The following ATXN2 variants were observed in gnomAD, a reference collection of about 807,000 sequenced individuals.
The protein encoded by ATXN2 is ataxin-2.
Under a neutral mutation model 138.6 loss-of-function variants are expected in ATXN2, and 37 were observed. The observed-to-expected ratio is 0.27, with a 90% CI of 0.21 to 0.35. The LOEUF is 0.35. Ranked by LOEUF, ATXN2 falls within the 10% of genes least tolerant of loss-of-function variation. The pLI is 1.00. For missense variants in ATXN2, 1,216 were observed against 1,480.3 expected (o/e 0.82, Z 2.93); for synonymous variants, 549 against 543.7 (o/e 1.01, Z -0.13).
chr12:111,542,660 T>G (rs1881584121), intron 5 of ATXN2, among the ~76,000 whole-genome samples: 1 of 151,942 alleles, frequency 6.6e-6, no homozygotes, highest in Admixed American at 6.6e-5. Flanking sequence ...AGAGATGGGG[T>G]TTTGCCAAGT....
chr12:111,474,339 T>G (rs1876639506), intron 18 of ATXN2, among the ~76,000 whole-genome samples: 1 of 151,482 alleles, frequency 6.6e-6, no homozygotes, highest in African/African-American at 2.4e-5. Flanking sequence ...AAAGATAACT[T>G]AAGCCCTGGA....
chr12:111,507,048 C>G (rs989770445), intron 14 of ATXN2, among the ~76,000 whole-genome samples: 1 of 152,196 alleles, frequency 6.6e-6, no homozygotes, highest in Non-Finnish European at 1.5e-5. Flanking sequence ...CCTTGGCCTC[C>G]CAAAGTGCCG....
chr12:111,515,068 T>G (rs1394778655), intron 10 of ATXN2, among the ~76,000 whole-genome samples: 1 of 152,202 alleles, frequency 6.6e-6, no homozygotes, highest in Admixed American at 6.5e-5. Context: ...GTGACCACTA[T>G]TAAGGCCCTT....
intron 20 of ATXN2, among the ~76,000 whole-genome samples, chr12:111,465,717 C>T (rs1015953572): frequency 8.4e-5 from 11 of 131,112 alleles, no homozygotes; most frequent in Non-Finnish European, 1.7e-4. Context: ...TTGCAGTGAG[C>T]TGAGATCGCA....
At chr12:111,597,980 C>A in intron 1 of ATXN2, 4 of 1,214,992 alleles carry the variant, frequency 3.3e-6, no homozygotes, top group Non-Finnish European at 4.2e-6. Context: ...CCACCACCCG[C>A]GCGCCGGAGA....
chr12:111,455,440 GA>G, intron 23 of ATXN2: 1 of 331,668 alleles, frequency 3.0e-6, no homozygotes, highest in Non-Finnish European at 5.7e-6. Flanking sequence ...TGCTCTTAAA[GA>G]AAAATGGGAC....
chr12:111,588,760 G>A (rs1884476194), intron 1 of ATXN2, among the ~76,000 whole-genome samples: 1 of 151,754 alleles, frequency 6.6e-6, no homozygotes, highest in South Asian at 2.1e-4. Flanking sequence ...GGGAAGCCGA[G>A]GCGGGCAGAT....
At chr12:111,464,759 G>T in intron 20 of ATXN2, 44 bp from the exon 21 acceptor site, 1 of 1,493,920 alleles carries the variant, frequency 6.7e-7, no homozygotes, top group Non-Finnish European at 9.2e-7. Context: ...TTTGAGGTGT[G>T]CATTTTCCAA....
In ATXN2 at chr12:111,598,736, AG is replaced by A; in HGVS notation, c.251+47del. On this transcript the variant is annotated intron_variant, in intron 1 of 24. Coordinates refer to ENST00000673436, the MANE Select transcript of ATXN2 (RefSeq NM_001372574.1). The surrounding 1 kb of genome is among the most constrained non-coding windows in gnomAD (Gnocchi z 4.5). ...GGGACGGCGGCGCGGGCCGCGGGGG[AG>A]GGGACGCCGGGCCCGGAGCGGAGGG... 9.1e-7 allele frequency: 1 copy of A among 1,094,830 alleles called. No individual in the cohort carries two copies. The allele number at this position is 1,094,830 out of a possible 1,614,324, so 67.8% of individuals were successfully genotyped here. A position where few individuals can be genotyped will look rare whatever the true frequency, so the allele number is the denominator to read the frequency against.
At chr12:111,580,733 A>T (rs1201932546) in intron 1 of ATXN2, among the ~76,000 whole-genome samples, 16 of 150,542 alleles carry the variant, frequency 1.1e-4, no homozygotes, top group African/African-American at 3.7e-4. Context: ...AGAGACAGAG[A>T]AAGAAAAAGA....
chr12:111,594,563 A>G (rs1884840824), intron 1 of ATXN2, among the ~76,000 whole-genome samples: 1 of 152,112 alleles, frequency 6.6e-6, no homozygotes, highest in Non-Finnish European at 1.5e-5. Context: ...GAAAATCACT[A>G]AAAGAAAAAT....
chr12:111,557,239 A>G (rs1882442694), intron 1 of ATXN2, among the ~76,000 whole-genome samples: 1 of 152,244 alleles, frequency 6.6e-6, no homozygotes, highest in Admixed American at 6.5e-5. Flanking sequence ...AGCACAATTC[A>G]GATCCAAAAA....
chr12:111,552,177 A>T lies in ATXN2; in HGVS notation c.571+103T>A. 7.9e-7 allele frequency: 1 copy of T among 1,269,342 alleles called. No homozygotes were observed. 78.6% of individuals were successfully genotyped at this position (1,269,342 alleles called of 1,614,324 possible). ...ATTACAGGAATGAGCCGCCATACCC[A>T]GCCCAGATATTTCTTTAAAAAAAGT... On this transcript the variant is annotated intron_variant, in intron 5 of 24. Coordinates refer to ENST00000673436, the MANE Select transcript of ATXN2 (RefSeq NM_001372574.1). The surrounding 1 kb of genome is among the most constrained non-coding windows in gnomAD (Gnocchi z 4.1).
chr12:111,520,725 T>C (rs971587923), intron 7 of ATXN2, among the ~76,000 whole-genome samples, 157 bp downstream of exon 7: 8 of 152,068 alleles, frequency 5.3e-5, no homozygotes, highest in Non-Finnish European at 1.0e-4. Context: ...ATTTATTCCC[T>C]TTTTTTAATG....
intron 14 of ATXN2, among the ~76,000 whole-genome samples, chr12:111,501,688 T>A (rs912573107): frequency 2.0e-5 from 3 of 152,224 alleles, no homozygotes; most frequent in African/African-American, 7.2e-5. Context: ...TAAGTCACGA[T>A]GTAGGAACTT....
At chr12:111,504,227 T>C (rs111905259) in intron 14 of ATXN2, among the ~76,000 whole-genome samples, 7 of 152,372 alleles carry the variant, frequency 4.6e-5, no homozygotes, top group African/African-American at 1.2e-4. Flanking sequence ...CAGAGTCCAG[T>C]AATAAACTTT....
rs533566625 is a variant in ATXN2 at position 111,508,383 on chromosome 12, T to C, written c.1935+1166A>G. On this transcript the variant is annotated intron_variant, in intron 14 of 24. Coordinates refer to ENST00000673436, the MANE Select transcript of ATXN2 (RefSeq NM_001372574.1). The stretch of plus-strand genomic sequence containing the variant: ...AAGCTGGGTAGTGGGCACATGATCA[T>C]ATTCAATATTCTTTGTATCATTTGT... Among the ~76,000 whole-genome samples, 9 of 151,764 alleles carry C rather than the reference T, an allele frequency of 5.9e-5. 2 individuals are homozygous for C. Among genetic ancestry groups the C allele is most frequent in the African/African-American group, 1.7e-4 (7 of 41,384 alleles).
intron 14 of ATXN2, among the ~76,000 whole-genome samples, chr12:111,500,433 T>C (rs1310516600): frequency 6.6e-6 from 1 of 152,086 alleles, no homozygotes; most frequent in Non-Finnish European, 1.5e-5. Context: ...CACATGGAGA[T>C]AGCAGAATGG....
At chr12:111,497,886 GA>G (rs1364718075) in intron 14 of ATXN2, among the ~76,000 whole-genome samples, 1 of 151,898 alleles carries the variant, frequency 6.6e-6, no homozygotes, top group Non-Finnish European at 1.5e-5. Flanking sequence ...CGTGTTAGCG[GA>G]CACCTGTAGT....
Sources: gnomAD v4.1 joint callset for allele counts (sites outside exome capture counted in the v4.1 genomes callset) on GRCh38, gnomAD v4.1.1 for gene constraint, Gnocchi (gnomAD v3.1) non-coding constraint, MANE v1.5 for transcripts, NCBI Gene and HGNC (gene_info 2026-07-23, HGNC 2026-07-21) for gene names.